The following SHC2 variants were observed in gnomAD, a reference collection of about 807,000 sequenced individuals.
SHC2 encodes the protein SHC-transforming protein 2.
SHC2 carries 62 observed loss-of-function variants against 60.6 expected under a neutral mutation model. That is an observed-to-expected ratio of 1.02 (90% CI 0.83 to 1.26). The LOEUF (loss-of-function observed/expected upper bound fraction) is 1.26. Among genes scored for constraint, SHC2 ranks in the 50% most tolerant of loss-of-function variants. SHC2 has a pLI of 0.00. For missense variants in SHC2, 873 were observed against 822.2 expected (o/e 1.06, Z -0.76); for synonymous variants, 375 against 372.4 (o/e 1.01, Z -0.08).
At chr19:435,245 C>T (rs998977145) in intron 7 of SHC2, among the ~76,000 whole-genome samples, 1 of 152,246 alleles carries the variant, frequency 6.6e-6, no homozygotes, top group African/African-American at 2.4e-5. Flanking sequence ...GCCCTCTGGC[C>T]CCGATGGCAC....
intron 8 of SHC2, 79 bp from the exon 9 acceptor site, chr19:430,826 G>T (rs570242904): frequency 1.5e-6 from 2 of 1,347,316 alleles, no homozygotes; most frequent in Admixed American, 1.9e-5. Context: ...CTCCCCGCCC[G>T]GCCCTCTTAG....
intron 8 of SHC2, 77 bp downstream of exon 8, chr19:434,632 A>G: frequency 7.9e-7 from 1 of 1,268,352 alleles, no homozygotes; most frequent in Non-Finnish European, 1.0e-6. Flanking sequence ...AGGAGCAGAA[A>G]GAAGAGCTGG....
chr19:430,672 A>C lies in SHC2; in HGVS notation c.1174+12T>G. The C allele has an allele frequency of 6.2e-7, 1 of 1,612,050 alleles. No homozygotes were observed. The highest frequency in any genetic ancestry group is 8.5e-7 in the Non-Finnish European group (1 of 1,179,350). The stretch of plus-strand genomic sequence containing the variant: ...CCTCGTGGGTACCCCTTGCAGCCCC[A>C]GCCCATCCTACCTGTACCGGTGGAC... On this transcript the variant is annotated intron_variant, in intron 9 of 12. Transcript: ENST00000264554.
At chr19:428,054 T>C (rs1974466857) in intron 9 of SHC2, among the ~76,000 whole-genome samples, 1 of 152,108 alleles carries the variant, frequency 6.6e-6, no homozygotes, top group Admixed American at 6.5e-5. Context: ...CAGTGAGACC[T>C]CACCTCCACA....
At chr19:459,301 G>A (rs1291566774) in intron 1 of SHC2, among the ~76,000 whole-genome samples, 2 of 147,176 alleles carry the variant, frequency 1.4e-5, no homozygotes. Flanking sequence ...TGAAGCCAGC[G>A]TAGGGGGAAG....
At chr19:459,949 C>G (rs7248979) in intron 1 of SHC2, among the ~76,000 whole-genome samples, 2 of 152,158 alleles carry the variant, frequency 1.3e-5, no homozygotes, top group Admixed American at 6.5e-5. Context: ...AGGTTACCCT[C>G]CTAGGTGGAG....
Position 441,117 on chromosome 19 carries a change from C to A in SHC2, c.469-185G>T, listed in dbSNP as rs1489145225. ...CCCAGCCTTGACACTGTCCTGCGAG[C>A]CGCCCCCTCTGACTCCAGGCATGTT... On this transcript the variant is annotated intron_variant, in intron 1 of 12. Coordinates refer to ENST00000264554, the MANE Select transcript of SHC2 (RefSeq NM_012435.3). This position sits in a 1 kb window ranked among gnomAD's most constrained non-coding sequence, Gnocchi z 4.9. 1 of 984,826 alleles carries A rather than the reference C, an allele frequency of 1.0e-6. No individual in the cohort carries two copies. Among genetic ancestry groups the A allele is most frequent in the African/African-American group, 1.8e-5 (1 of 57,110 alleles). The allele number at this position is 984,826 out of a possible 1,614,324, so 61.0% of individuals were successfully genotyped here.
intron 9 of SHC2, among the ~76,000 whole-genome samples, chr19:427,199 T>C (rs1974437396): frequency 6.6e-6 from 1 of 152,024 alleles, no homozygotes; most frequent in Non-Finnish European, 1.5e-5. Flanking sequence ...TAAAAAAAGC[T>C]CAACACAGAT....
At chr19:451,381 C>T (rs994973836) in intron 1 of SHC2, among the ~76,000 whole-genome samples, 1 of 151,982 alleles carries the variant, frequency 6.6e-6, no homozygotes, top group East Asian at 1.9e-4. Flanking sequence ...ACGCCGTGGG[C>T]CACGTCGTAT....
At chr19:423,701 C>T (rs1042552978) in intron 10 of SHC2, among the ~76,000 whole-genome samples, 6 of 152,350 alleles carry the variant, frequency 3.9e-5, no homozygotes, top group Admixed American at 3.9e-4. Flanking sequence ...GGGGGCTGAG[C>T]CAGCTCCAAC....
chr19:420,541 TA>T, intron 11 of SHC2, among the ~76,000 whole-genome samples: 1 of 152,258 alleles, frequency 6.6e-6, no homozygotes, highest in Non-Finnish European at 1.5e-5. Flanking sequence ...AAATGCTTTG[TA>T]AACCTTTAAA....
chr19:444,942 C>G lies in SHC2; in HGVS notation c.469-4010G>C, dbSNP rs372605967. ...GCCCGGGTGGGAGGGTGACTGACCTCCTGGGCCACACGGCCCGCAGAGCTG... is the reference window on the plus strand; with the variant it reads ...GCCCGGGTGGGAGGGTGACTGACCTGCTGGGCCACACGGCCCGCAGAGCTG... On this transcript the variant is annotated intron_variant, in intron 1 of 12. Transcript: ENST00000264554. Among the ~76,000 whole-genome samples, 21 of 152,340 alleles carry G rather than the reference C, an allele frequency of 1.4e-4. No homozygotes were observed. The South Asian group carries it at 2.5e-3, about 18-fold the overall frequency.
rs1974874959 is a variant in SHC2, at chr19:441,696, T to C, written c.469-764A>G. On this transcript the variant is annotated intron_variant, in intron 1 of 12. Transcript: ENST00000264554. This position sits in a 1 kb window ranked among gnomAD's most constrained non-coding sequence, Gnocchi z 4.9. ...GAATGAAGGCTGACACGAACAGGTT[T>C]CCTACTGGGGTCATGAGAAATTCTG... 6.6e-6 allele frequency among the ~76,000 whole-genome samples: 1 copy of C among 152,250 alleles called. No individual in the cohort carries two copies. Among genetic ancestry groups the C allele is most frequent in the Non-Finnish European group, 1.5e-5 (1 of 68,044 alleles).
At chr19:429,127 CTG>C (rs1203974179) in intron 9 of SHC2, among the ~76,000 whole-genome samples, 1 of 149,962 alleles carries the variant, frequency 6.7e-6, no homozygotes, top group Non-Finnish European at 1.5e-5. Flanking sequence ...AAACCTAACA[CTG>C]TGTGGATGAT....
chr19:418,794 T>G, intron 12 of SHC2, 129 bp downstream of exon 12: 5 of 1,038,946 alleles, frequency 4.8e-6, no homozygotes, highest in Non-Finnish European at 6.7e-6. Context: ...ACGGCTCGGA[T>G]GCTGAACACC....
chr19:455,291 G>A (rs1359373052), intron 1 of SHC2, among the ~76,000 whole-genome samples: 4 of 152,150 alleles, frequency 2.6e-5, no homozygotes, highest in East Asian at 1.9e-4. Flanking sequence ...TAAAGGCATC[G>A]CGAGTGCCAT....
At chr19:460,498 C>A in intron 1 of SHC2, 31 bp downstream of exon 1, 1 of 896,558 alleles carries the variant, frequency 1.1e-6, no homozygotes, top group Non-Finnish European at 1.3e-6. Flanking sequence ...CCGCCGCGAA[C>A]GGGCTCCCGG....
chr19:420,417 C>A (rs1974240314), intron 11 of SHC2, among the ~76,000 whole-genome samples: 1 of 152,330 alleles, frequency 6.6e-6, no homozygotes, highest in South Asian at 2.1e-4. Flanking sequence ...AAAACGCCTC[C>A]TACGCTCTGA....
chr19:455,595 T>C (rs1182729725), intron 1 of SHC2, among the ~76,000 whole-genome samples: 1 of 152,064 alleles, frequency 6.6e-6, no homozygotes, highest in Non-Finnish European at 1.5e-5. Context: ...GCCGGCTGAG[T>C]CGCCCGGCCC....
Sources: gnomAD v4.1 joint callset for allele counts (sites outside exome capture counted in the v4.1 genomes callset) on GRCh38, gnomAD v4.1.1 for gene constraint, Gnocchi (gnomAD v3.1) non-coding constraint, MANE v1.5 for transcripts, NCBI Gene and HGNC (gene_info 2026-07-23, HGNC 2026-07-21) for gene names.